Variants in BRAF observed in about 807,000 individuals in gnomAD.
BRAF encodes the protein B-Raf proto-oncogene, serine/threonine kinase.
BRAF carries 16 observed loss-of-function variants against 104.6 expected under a neutral mutation model. That is an observed-to-expected ratio of 0.15 (90% CI 0.10 to 0.23). The LOEUF (loss-of-function observed/expected upper bound fraction) is 0.23, where lower values mean the gene tolerates loss of function less well. BRAF is among the 10% of genes least tolerant of loss of function. BRAF has a pLI of 1.00. For synonymous variants in BRAF, 310 were observed against 341.6 expected (o/e 0.91, Z 1.02); for missense variants, 541 against 937.3 (o/e 0.58, Z 5.52).
intron 1 of BRAF, among the ~76,000 whole-genome samples, chr7:140,885,653 G>A (rs985303802): frequency 3.3e-5 from 5 of 152,048 alleles, no homozygotes; most frequent in African/African-American, 1.2e-4. Context: ...TTTGTATGTG[G>A]ATATATCCAT....
At chr7:140,896,722 C>T (rs1487901145) in intron 1 of BRAF, among the ~76,000 whole-genome samples, 2 of 151,874 alleles carry the variant, frequency 1.3e-5, no homozygotes, top group Admixed American at 6.6e-5. Context: ...AAAAATAAGC[C>T]GGGCATGGTG....
intron 17 of BRAF, among the ~76,000 whole-genome samples, chr7:140,742,881 A>G (rs1797043030): frequency 6.6e-6 from 1 of 151,786 alleles, no homozygotes; most frequent in Non-Finnish European, 1.5e-5. Flanking sequence ...TACAAGAAAA[A>G]AACAAACAAC....
At chr7:140,727,117 A>G (rs988757756) in intron 19 of BRAF, among the ~76,000 whole-genome samples, 2 of 152,164 alleles carry the variant, frequency 1.3e-5, no homozygotes, top group South Asian at 2.1e-4. Context: ...TTTAAACCAC[A>G]AAGTACCTTT....
At chr7:140,745,339 G>C (rs1007549573) in intron 17 of BRAF, among the ~76,000 whole-genome samples, 5 of 151,808 alleles carry the variant, frequency 3.3e-5, no homozygotes, top group African/African-American at 1.2e-4. Flanking sequence ...AGGAATGTGA[G>C]AAAAAAAATC....
At chr7:140,787,431 T>TTTTCTCTACACATTTGTA in intron 9 of BRAF, 117 bp downstream of exon 9, 1 of 1,147,698 alleles carries the variant, frequency 8.7e-7, no homozygotes, top group Non-Finnish European at 1.3e-6. Flanking sequence ...AATTTTGGGT[T>TTTTCTCTACACATTTGTA]TCTCTACACA....
chr7:140,722,055 A>G lies in BRAF; in HGVS notation c.*4439T>C. 1.8e-6 allele frequency: 2 copies of G among 1,102,744 alleles called. No individual in the cohort carries two copies. Among genetic ancestry groups the G allele is most frequent in the African/African-American group, 1.6e-5 (1 of 62,376 alleles). The allele number at this position is 1,102,744 out of a possible 1,614,324, so 68.3% of individuals were successfully genotyped here. On this transcript the variant is annotated 3_prime_UTR_variant, in exon 20 of 20. Transcript: ENST00000644969. ...GCCCATCATACAGTACTTCAACCCTAAACTACAGCAATTTCTGTCAACATT... is the reference window on the plus strand; with the variant it reads ...GCCCATCATACAGTACTTCAACCCTGAACTACAGCAATTTCTGTCAACATT...
chr7:140,874,337 G>A (rs1342552682), intron 1 of BRAF, among the ~76,000 whole-genome samples: 2 of 151,572 alleles, frequency 1.3e-5, no homozygotes, highest in Admixed American at 6.6e-5. Flanking sequence ...GGGTAGCTGG[G>A]ATTACAGGCA....
chr7:140,784,061 G>A (rs191019416), intron 10 of BRAF, among the ~76,000 whole-genome samples: 31 of 152,198 alleles, frequency 2.0e-4, no homozygotes, highest in Admixed American at 3.3e-4. Flanking sequence ...ACTGGGGCCT[G>A]AATACAGCTG....
At chr7:140,716,313 T>G (rs1431495279), downstream of BRAF, among the ~76,000 whole-genome samples, 1 of 152,210 alleles carries the variant, frequency 6.6e-6, no homozygotes, top group Admixed American at 6.5e-5. Context: ...CAAATAACTT[T>G]GATCTGTACC....
intron 14 of BRAF, among the ~76,000 whole-genome samples, chr7:140,762,660 T>G (rs958366532): frequency 0.017 from 2,507 of 144,610 alleles, 17 homozygotes; most frequent in Non-Finnish European, 0.028. Context: ...CGCAGAGGGG[T>G]ATTTGGCAGG....
intron 14 of BRAF, among the ~76,000 whole-genome samples, chr7:140,770,678 G>A (rs1377462894): frequency 6.6e-6 from 1 of 152,122 alleles, no homozygotes; most frequent in Non-Finnish European, 1.5e-5. Flanking sequence ...ACTCACGCCT[G>A]TAATCCCAGC....
intron 1 of BRAF, among the ~76,000 whole-genome samples, chr7:140,852,515 T>G (rs1454531525): frequency 1.3e-5 from 2 of 152,138 alleles, no homozygotes; most frequent in African/African-American, 2.4e-5. Flanking sequence ...TGAGAAGCAG[T>G]GATAGAGGTT....
chr7:140,745,435 T>TG (rs1481484024), intron 17 of BRAF, among the ~76,000 whole-genome samples: 3 of 152,020 alleles, frequency 2.0e-5, no homozygotes, highest in Non-Finnish European at 4.4e-5. Flanking sequence ...TCTGCTGGGG[T>TG]GGGGTGCAGA....
intron 3 of BRAF, chr7:140,823,775 CA>C: frequency 6.6e-6 from 1 of 152,288 alleles, no homozygotes. Flanking sequence ...ACATTTCCAC[CA>C]ACAGTGCAAC....
intron 16 of BRAF, among the ~76,000 whole-genome samples, chr7:140,751,861 A>C (rs1797817106): frequency 6.6e-6 from 1 of 152,206 alleles, no homozygotes; most frequent in South Asian, 2.1e-4. Context: ...TGTTTCCAGC[A>C]GGGTGCCCGA....
At chr7:140,796,993 T>C (rs1802557258) in intron 7 of BRAF, among the ~76,000 whole-genome samples, 1 of 152,160 alleles carries the variant, frequency 6.6e-6, no homozygotes, top group Non-Finnish European at 1.5e-5. Context: ...CCCAATCTCA[T>C]CATTTCTGGG....
At chr7:140,873,775 A>G (rs1345996222) in intron 1 of BRAF, among the ~76,000 whole-genome samples, 1 of 152,212 alleles carries the variant, frequency 6.6e-6, no homozygotes, top group African/African-American at 2.4e-5. Flanking sequence ...GACACAGAGG[A>G]GCCCGGAGGA....
At chr7:140,894,487 A>T (rs1291445477) in intron 1 of BRAF, among the ~76,000 whole-genome samples, 1 of 152,146 alleles carries the variant, frequency 6.6e-6, no homozygotes. Context: ...GATGGAAAAA[A>T]ATTTTTTTAA....
chr7:140,762,651 G>A (rs1034015182), intron 14 of BRAF, among the ~76,000 whole-genome samples: 11 of 141,338 alleles, frequency 7.8e-5, no homozygotes, highest in Admixed American at 5.1e-4. Flanking sequence ...GGTGTTTCTC[G>A]CAGAGGGGTA....
Sources: gnomAD v4.1 joint callset for allele counts (sites outside exome capture counted in the v4.1 genomes callset) on GRCh38, gnomAD v4.1.1 for gene constraint, MANE v1.5 for transcripts, NCBI Gene and HGNC (gene_info 2026-07-23, HGNC 2026-07-21) for gene names.